ANAPC7: variants seen among roughly 807,000 people sequenced by gnomAD.
The protein encoded by ANAPC7 is anaphase-promoting complex subunit 7.
Under a neutral mutation model 63.3 loss-of-function variants are expected in ANAPC7, and 25 were observed. The ratio of observed to expected loss-of-function variants is 0.39; its 90% confidence interval spans 0.29 to 0.55. The LOEUF is 0.55. ANAPC7 is among the 20% of genes least tolerant of loss of function. The probability of loss-of-function intolerance (pLI) is 0.57; values close to 1 mark genes in which losing one functional copy is unlikely to be tolerated. For synonymous variants in ANAPC7, 241 were observed against 251.7 expected (o/e 0.96, Z 0.40); for missense variants, 516 against 691.7 (o/e 0.75, Z 2.85).
rs145483086 is a variant in ANAPC7 at position 110,396,441 on chromosome 12, G to C, written c.113C>G (p.Ser38Cys). The C allele has an allele frequency of 3.7e-6, 6 of 1,606,196 alleles. No individual in the cohort carries two copies. The highest frequency in any genetic ancestry group is 5.1e-6 in the Non-Finnish European group (6 of 1,177,690). ...TMSNNNPELF[S>C]PPQKYQLLVY... ...CAAAAGCTGGTACTTCTGAGGTGGGGAGAATAACTCACTAGAAAACAAGAG... is the reference window on the plus strand; with the variant it reads ...CAAAAGCTGGTACTTCTGAGGTGGGCAGAATAACTCACTAGAAAACAAGAG... Residue 38 changes from serine to cysteine, a missense_variant, in exon 2 of 11, where the codon TCC becomes TGC. Physicochemically the swap from Ser to Cys is moderately radical, Grantham distance 112 (BLOSUM62 -1). Around this residue, in one of 4 missense-constraint regions of ANAPC7, gnomAD observed 185 missense variants for 200.3 expected, o/e 0.92. Transcript: ENST00000455511.
intron 7 of ANAPC7, 74 bp downstream of exon 7, chr12:110,382,769 A>T: frequency 1.6e-6 from 2 of 1,275,906 alleles, no homozygotes; most frequent in Non-Finnish European, 2.2e-6. Context: ...CTTTCAATTT[A>T]TATTCTCTTC....
At position 110,381,845 on chromosome 12, in the gene ANAPC7, C is replaced by A. The variant is rs1419286328; in HGVS notation, c.1039G>T (p.Ala347Ser). The A allele has an allele frequency of 6.2e-7, 1 of 1,613,364 alleles. No homozygotes were observed. Among genetic ancestry groups the A allele is most frequent in the South Asian group, 1.1e-5 (1 of 91,048 alleles). The change falls in exon 8 of 11, where the codon GCA becomes TCA. Residue 347 changes from alanine to serine, a missense_variant. Physicochemically the swap from Ala to Ser is moderately conservative, Grantham distance 99. Coordinates refer to ENST00000455511, the MANE Select transcript of ANAPC7 (RefSeq NM_016238.3). ...ACTCTGCCCATGTTCCTAAGTGCTGCTCCCTTAAGTAGCAGAGCTTGAACA... is the reference window on the plus strand; with the variant it reads ...ACTCTGCCCATGTTCCTAAGTGCTGATCCCTTAAGTAGCAGAGCTTGAACA... ...NSVQALLLKGAALRNMGRVQE... is the reference protein window; with the variant it reads ...NSVQALLLKGSALRNMGRVQE...
In ANAPC7 at chr12:110,377,423, T is replaced by C. The variant is rs1881390105; in HGVS notation, c.1327A>G (p.Lys443Glu). 2.5e-6 allele frequency: 4 copies of C among 1,614,028 alleles called. No individual in the cohort carries two copies. Among genetic ancestry groups the C allele is most frequent in the Non-Finnish European group, 3.4e-6 (4 of 1,180,010 alleles). The change falls in exon 9 of 11, where the codon AAG becomes GAG. Residue 443 changes from lysine to glutamate, a missense_variant. This residue lies in a region of ANAPC7 where 122 missense variants were observed against 212.0 expected (regional missense o/e 0.58). Transcript: ENST00000455511. ...AGTTCTGCTTTTTTCACCACAGCCT[T>C]AATGTAATCTGGCCTTTGGGTCAGG... ...KALTQRPDYI[K>E]AVVKKAELLS...
At chr12:110,401,529 T>C (rs1209052355) in intron 1 of ANAPC7, among the ~76,000 whole-genome samples, 4 of 152,048 alleles carry the variant, frequency 2.6e-5, no homozygotes, top group Admixed American at 2.6e-4. Context: ...AACGCTGAGA[T>C]GAGGACCGTC....
intron 9 of ANAPC7, 131 bp downstream of exon 9, chr12:110,377,262 C>G: frequency 1.3e-6 from 1 of 754,736 alleles, no homozygotes; most frequent in Admixed American, 2.8e-5. Flanking sequence ...CCAATCCAAG[C>G]AGGCTCAGAC....
chr12:110,382,035 T>C (rs1228179363), intron 7 of ANAPC7, 87 bp from the exon 8 acceptor site: 10 of 1,269,308 alleles, frequency 7.9e-6, no homozygotes, highest in African/African-American at 4.5e-5. Flanking sequence ...AAAAATCATA[T>C]TGAAGGCCCT....
chr12:110,393,261 T>C (rs1168732886), intron 3 of ANAPC7, among the ~76,000 whole-genome samples: 2 of 152,190 alleles, frequency 1.3e-5, no homozygotes, highest in Admixed American at 6.5e-5. Flanking sequence ...TGTGTACACC[T>C]ATGGAAGGCA....
At chr12:110,399,344 TA>T (rs1467214481) in intron 1 of ANAPC7, among the ~76,000 whole-genome samples, 15 of 151,798 alleles carry the variant, frequency 9.9e-5, no homozygotes, top group Non-Finnish European at 2.1e-4. Flanking sequence ...TGTAGATAGT[TA>T]ATTTCTCAAC....
At chr12:110,376,551 A>T (rs1402800884) in intron 9 of ANAPC7, among the ~76,000 whole-genome samples, 1 of 123,054 alleles carries the variant, frequency 8.1e-6, no homozygotes, top group Admixed American at 9.1e-5. Context: ...TCTGGGCAAC[A>T]GAGCGAGACT....
chr12:110,402,496 A>C (rs1340872345), intron 1 of ANAPC7, among the ~76,000 whole-genome samples: 1 of 151,162 alleles, frequency 6.6e-6, no homozygotes, highest in African/African-American at 2.4e-5. Flanking sequence ...CGCCTGGCTA[A>C]ATTTTTTTGG....
Position 110,381,772 on chromosome 12 carries a change from C to A in ANAPC7, c.1112G>T (p.Cys371Phe). Reference protein sequence around the residue: ...HFREAIRLAPCRLDCYEGLIE... With the variant: ...HFREAIRLAPFRLDCYEGLIE... ...CTTACCTTCATAACAATCTAAGCGA[C>A]AAGGTGCGAGCCGTATGGCCTCCCG... Residue 371 changes from cysteine (C) to phenylalanine (F), a missense_variant, in exon 8 of 11, where the codon TGT becomes TTT. Transcript: ENST00000455511. 1.9e-6 allele frequency: 3 copies of A among 1,613,660 alleles called. No individual in the cohort carries two copies. The highest frequency in any genetic ancestry group is 2.5e-6 in the Non-Finnish European group (3 of 1,180,004).
Position 110,382,054 on chromosome 12 carries a change from T to C in ANAPC7, c.936-106A>G, listed in dbSNP as rs938459940. On this transcript the variant is annotated intron_variant, in intron 7 of 10. Transcript: ENST00000455511. ...ATCATATTGAAGGCCCTGAACATAA[T>C]CCTTATTCCAAACCACACTTATAGT... The C allele has an allele frequency of 4.4e-6, 5 of 1,127,684 alleles. No homozygotes were observed. The South Asian group carries it at 5.0e-5, about 11-fold the overall frequency. 69.9% of individuals were successfully genotyped at this position (1,127,684 alleles called of 1,614,324 possible).
intron 3 of ANAPC7, among the ~76,000 whole-genome samples, chr12:110,392,764 A>C (rs1208536925): frequency 6.6e-6 from 1 of 152,070 alleles, no homozygotes; most frequent in Non-Finnish European, 1.5e-5. Flanking sequence ...ATGCACCTAA[A>C]CTCAAACTAG....
At chr12:110,382,812 A>G (rs1882065271) in intron 7 of ANAPC7, 31 bp downstream of exon 7, 1 of 1,531,718 alleles carries the variant, frequency 6.5e-7, no homozygotes, top group South Asian at 1.1e-5. Flanking sequence ...TCTACTGACA[A>G]CTGGGGAGAA....
chr12:110,379,073 G>A (rs1176695553), intron 8 of ANAPC7: 2 of 151,690 alleles, frequency 1.3e-5, no homozygotes, highest in South Asian at 2.1e-4. Context: ...TGTTGGCTAG[G>A]CTGGTCTCGA....
rs763920208 is a variant in ANAPC7, at chr12:110,394,951, C to A, written c.408+150G>T. 1.1e-5 allele frequency: 9 copies of A among 839,334 alleles called. No homozygotes were observed. In the African/African-American group the frequency reaches 1.6e-4, roughly 14 times the overall value. The allele number at this position is 839,334 out of a possible 1,614,324, so 52.0% of individuals were successfully genotyped here. A position where few individuals can be genotyped will look rare whatever the true frequency, so the allele number is the denominator to read the frequency against. On this transcript the variant is annotated intron_variant, in intron 3 of 10. Transcript: ENST00000455511. ...TTTTCATCAGCTGGATTTTCAGGGT[C>A]CCCCACCCCCACTCCATGAAGAGGA...
intron 6 of ANAPC7, among the ~76,000 whole-genome samples, chr12:110,385,306 C>T (rs531794606): frequency 5.0e-4 from 76 of 152,252 alleles, no homozygotes; most frequent in African/African-American, 1.6e-3. Flanking sequence ...CCGCAGCCCC[C>T]GCTTTATTCT....
At position 110,403,678 on chromosome 12, in the gene ANAPC7, G is replaced by A. The variant is rs183056626; in HGVS notation, c.-51C>T. The A allele has an allele frequency of 6.9e-4, 1,078 of 1,556,804 alleles. 6 individuals are homozygous for A. The African/African-American group carries it at 7.4e-3, about 11-fold the overall frequency. ...GGCGGCAGCACTGACTCGAAAAGCC[G>A]GTAGAGGATCCTTAGGGAAGACTCC... On this transcript the variant is annotated 5_prime_UTR_variant, in exon 1 of 11. Coordinates refer to ENST00000455511, the MANE Select transcript of ANAPC7 (RefSeq NM_016238.3).
At chr12:110,393,473 A>C (rs1458099104) in intron 3 of ANAPC7, among the ~76,000 whole-genome samples, 2 of 152,168 alleles carry the variant, frequency 1.3e-5, no homozygotes, top group Admixed American at 6.5e-5. Flanking sequence ...CCTGCCTGTA[A>C]TCCCAGCAAT....
Sources: allele counts gnomAD v4.1 joint callset (sites outside exome capture counted in the v4.1 genomes callset), GRCh38; gene constraint gnomAD v4.1.1; regional missense constraint gnomAD v4.1.1; transcripts MANE v1.5; gene names NCBI Gene and HGNC (gene_info 2026-07-23, HGNC 2026-07-21).